NLGN1: variants seen among roughly 807,000 people sequenced by gnomAD.
The protein encoded by NLGN1 is neuroligin-1.
A neutral mutation model predicts 65.5 loss-of-function variants in NLGN1; 12 were observed. That is an observed-to-expected ratio of 0.18 (90% CI 0.12 to 0.30). NLGN1 has a LOEUF of 0.30. Among genes scored for constraint, NLGN1 ranks in the 10% least tolerant of loss-of-function variants. The pLI, the probability that NLGN1 is intolerant of heterozygous loss-of-function variation, is 1.00. For synonymous variants in NLGN1, 350 were observed against 359.5 expected (o/e 0.97, Z 0.30); for missense variants, 750 against 1,007.1 (o/e 0.74, Z 3.46).
At chr3:173,586,792 CT>C (rs1425454026) in intron 2 of NLGN1, among the ~76,000 whole-genome samples, 10 of 152,088 alleles carry the variant, frequency 6.6e-5, no homozygotes, top group Admixed American at 4.6e-4. Flanking sequence ...TCTCTTTTTA[CT>C]CTGCTATAAG....
chr3:174,280,518 A>G lies in NLGN1; in HGVS notation c.1687A>G (p.Ile563Val), dbSNP rs1203552041. 2 of 1,611,980 alleles carry G rather than the reference A, an allele frequency of 1.2e-6. No individual in the cohort carries two copies. Among genetic ancestry groups the G allele is most frequent in the Non-Finnish European group, 1.7e-6 (2 of 1,178,994 alleles). ...ACCAGTCCCTCAAGACACGAAATTC[A>G]TTCATACCAAACCCAACCGTTTTGA... Residue 563 changes from isoleucine (I) to valine (V), a missense_variant, in exon 7 of 7, where the codon ATT becomes GTT. Ile to Val is a conservative substitution (Grantham distance 29). Transcript: ENST00000457714. This position sits in a 1 kb window ranked among gnomAD's most constrained non-coding sequence, Gnocchi z 4.9.
chr3:173,547,808 G>A (rs1053204470), intron 2 of NLGN1, among the ~76,000 whole-genome samples: 1 of 151,954 alleles, frequency 6.6e-6, no homozygotes, highest in Non-Finnish European at 1.5e-5. Context: ...AAATGAAGGT[G>A]GTCTGATTAC....
intron 4 of NLGN1, among the ~76,000 whole-genome samples, chr3:174,121,382 C>T (rs958537124): frequency 6.6e-6 from 1 of 152,202 alleles, no homozygotes; most frequent in Non-Finnish European, 1.5e-5. Flanking sequence ...GACACATTTC[C>T]ACCCAATAGG....
intron 3 of NLGN1, among the ~76,000 whole-genome samples, chr3:173,690,245 C>G (rs1030089979): frequency 2.0e-5 from 3 of 152,148 alleles, no homozygotes; most frequent in African/African-American, 7.2e-5. Context: ...TTAAAAGTCT[C>G]TACTCAAGTG....
chr3:173,705,446 T>C (rs1767903689), intron 3 of NLGN1, among the ~76,000 whole-genome samples: 1 of 152,192 alleles, frequency 6.6e-6, no homozygotes, highest in Non-Finnish European at 1.5e-5. Context: ...CCTGGCAGAT[T>C]GCCTTCTGGG....
At chr3:173,500,687 A>G (rs1212620446) in intron 2 of NLGN1, among the ~76,000 whole-genome samples, 1 of 151,882 alleles carries the variant, frequency 6.6e-6, no homozygotes, top group Non-Finnish European at 1.5e-5. Context: ...GGTCCTGGAC[A>G]TTTTTTGGTT....
intron 3 of NLGN1, among the ~76,000 whole-genome samples, chr3:173,739,573 C>A (rs896810636): frequency 6.6e-5 from 10 of 152,096 alleles, no homozygotes; most frequent in African/African-American, 2.2e-4. Context: ...CTAGAGTCCT[C>A]CTGGAAAAGG....
intron 3 of NLGN1, among the ~76,000 whole-genome samples, chr3:173,744,781 T>C (rs1010858842): frequency 6.6e-6 from 1 of 152,076 alleles, no homozygotes; most frequent in South Asian, 2.1e-4. Context: ...TTTGGTTTCT[T>C]GTGGAGGCCA....
intron 4 of NLGN1, among the ~76,000 whole-genome samples, chr3:174,227,798 G>A (rs1001421076): frequency 3.1e-4 from 47 of 152,100 alleles, no homozygotes; most frequent in African/African-American, 9.6e-4. Context: ...TATATTTCAA[G>A]TACAAATAAT....
At chr3:173,892,968 T>C (rs1406437018) in intron 4 of NLGN1, among the ~76,000 whole-genome samples, 4 of 152,212 alleles carry the variant, frequency 2.6e-5, no homozygotes, top group African/African-American at 9.6e-5. Context: ...ATCTGTATTA[T>C]AACTATGCAT....
chr3:173,888,675 A>G (rs993395976), intron 4 of NLGN1, among the ~76,000 whole-genome samples: 2 of 152,108 alleles, frequency 1.3e-5, no homozygotes, highest in African/African-American at 2.4e-5. Context: ...ATTAATACGA[A>G]TATTTGATGT....
intron 3 of NLGN1, among the ~76,000 whole-genome samples, chr3:173,805,907 A>G (rs1416164336): frequency 1.3e-5 from 2 of 152,172 alleles, no homozygotes; most frequent in Admixed American, 6.5e-5. Flanking sequence ...CATCTCCACA[A>G]GCCCCCAGAT....
At chr3:173,825,378 A>T in intron 4 of NLGN1, among the ~76,000 whole-genome samples, 1 of 82,202 alleles carries the variant, frequency 1.2e-5, no homozygotes, top group East Asian at 2.0e-4. Context: ...AATAATTCTT[A>T]GTGGAAAAAA....
intron 4 of NLGN1, among the ~76,000 whole-genome samples, chr3:174,066,564 C>CTCTCTCTCTCTCTG (rs1553925385): frequency 1.0e-3 from 100 of 100,048 alleles, no homozygotes; most frequent in African/African-American, 1.1e-3. Flanking sequence ...CTCTCTCTCT[C>CTCTCTCTCTCTCTG]TGTGTGTGTG....
Position 173,783,507 on chromosome 3 carries a change from C to T in NLGN1, c.494-24173C>T, listed in dbSNP as rs574455881. ...ATATTTTAATTGATCTAAGATTGTGCATAATCCAGAGTTATTGGATTAGCG... is the reference window on the plus strand; with the variant it reads ...ATATTTTAATTGATCTAAGATTGTGTATAATCCAGAGTTATTGGATTAGCG... On this transcript the variant is annotated intron_variant, in intron 3 of 6. Coordinates refer to ENST00000457714, the Ensembl canonical transcript of NLGN1. Among the ~76,000 whole-genome samples, 40 of 152,322 alleles carry T rather than the reference C, an allele frequency of 2.6e-4. 2 individuals carry two copies. The South Asian group carries it at 8.1e-3, about 31-fold the overall frequency.
At chr3:174,289,101 T>C (rs995085722), downstream of NLGN1, among the ~76,000 whole-genome samples, 3 of 151,346 alleles carry the variant, frequency 2.0e-5, no homozygotes, top group Non-Finnish European at 3.0e-5. Context: ...AAAACTACCA[T>C]GCAGAATCAG....
At chr3:173,863,389 A>T (rs1430817043) in intron 4 of NLGN1, among the ~76,000 whole-genome samples, 3 of 152,224 alleles carry the variant, frequency 2.0e-5, no homozygotes, top group Non-Finnish European at 4.4e-5. Context: ...ATATCAGTAA[A>T]GCAGCAGCAG....
At chr3:173,656,791 C>T (rs2149672770) in intron 3 of NLGN1, among the ~76,000 whole-genome samples, 1 of 151,946 alleles carries the variant, frequency 6.6e-6, no homozygotes, top group South Asian at 2.1e-4. Context: ...TTATGAACAC[C>T]AAAGAGGGCA....
At chr3:173,422,962 T>C (rs767968371) in intron 1 of NLGN1, among the ~76,000 whole-genome samples, 10 of 152,178 alleles carry the variant, frequency 6.6e-5, no homozygotes, top group Non-Finnish European at 1.0e-4. Context: ...ATAAAGGAAT[T>C]CTTTCCTGAC....
Sources: allele counts gnomAD v4.1 joint callset (sites outside exome capture counted in the v4.1 genomes callset), GRCh38; gene constraint gnomAD v4.1.1; non-coding constraint Gnocchi (gnomAD v3.1); transcripts MANE v1.5; gene names NCBI Gene and HGNC (gene_info 2026-07-23, HGNC 2026-07-21).